The following EFCAB11 variants were observed in gnomAD, a reference collection of about 807,000 sequenced individuals.
The protein encoded by EFCAB11 is EF-hand calcium-binding domain-containing protein 11.
A neutral mutation model predicts 23.0 loss-of-function variants in EFCAB11; 14 were observed. The observed-to-expected ratio is 0.61, with a 90% CI of 0.40 to 0.95. The LOEUF (loss-of-function observed/expected upper bound fraction) is 0.95, where lower values mean the gene tolerates loss of function less well. Among genes scored for constraint, EFCAB11 ranks in the 40% least tolerant of loss-of-function variants. EFCAB11 has a pLI of 0.00. For missense variants in EFCAB11, 198 were observed against 195.8 expected, an observed-to-expected ratio of 1.01 and a Z score of -0.07; for synonymous variants, 65 against 66.6, an observed-to-expected ratio of 0.98 and a Z score of 0.11.
In EFCAB11 at chr14:89,944,258, G is replaced by A. The variant is rs1890890262; in HGVS notation, c.217+5839C>T. On this transcript the variant is annotated intron_variant, in intron 3 of 5. Coordinates refer to ENST00000316738, the MANE Select transcript of EFCAB11 (RefSeq NM_145231.4). ...AATGACAGCAGACAAGAGAGAGCTT[G>A]TGCTGGGGAACTTCTCTTTTTAAAA... 2.6e-5 allele frequency among the ~76,000 whole-genome samples: 4 copies of A among 152,198 alleles called. No individual in the cohort carries two copies. The South Asian group carries it at 8.3e-4, about 32-fold the overall frequency.
intron 5 of EFCAB11, among the ~76,000 whole-genome samples, chr14:89,885,494 T>C (rs1344952351): frequency 6.6e-6 from 1 of 151,862 alleles, no homozygotes; most frequent in Admixed American, 6.6e-5. Context: ...CTGGCTAACA[T>C]GGTGAAACCC....
intron 5 of EFCAB11, among the ~76,000 whole-genome samples, chr14:89,805,649 G>A (rs1381016937): frequency 7.2e-5 from 11 of 152,128 alleles, no homozygotes; most frequent in Admixed American, 7.2e-4. Flanking sequence ...GAAAGAGTCA[G>A]AGAACAGCAC....
chr14:89,930,672 C>A (rs894237647), intron 5 of EFCAB11, among the ~76,000 whole-genome samples: 2 of 152,206 alleles, frequency 1.3e-5, no homozygotes, highest in African/African-American at 2.4e-5. Context: ...GTTGATACAG[C>A]CAGAGCAACA....
rs1052618817 is a variant in EFCAB11 at position 89,888,266 on chromosome 14, A to C, written c.410+43275T>G. Among the ~76,000 whole-genome samples the C allele has an allele frequency of 3.9e-5, 6 of 152,214 alleles. No homozygotes were observed. In the South Asian group the frequency reaches 1.2e-3, roughly 32 times the overall value. ...TTGGTGCCCTTATAAGGGGCTGAAG[A>C]GACTAGAGTTCTCTCCTTTCACCAT... On this transcript the variant is annotated intron_variant, in intron 5 of 5. Transcript: ENST00000316738.
intron 3 of EFCAB11, among the ~76,000 whole-genome samples, chr14:89,939,512 C>A (rs1298290024): frequency 2.6e-5 from 4 of 152,184 alleles, no homozygotes; most frequent in African/African-American, 9.6e-5. Flanking sequence ...GGAGGCGGGG[C>A]ACACAGCTGG....
At chr14:89,899,400 C>T (rs1274459160) in intron 5 of EFCAB11, among the ~76,000 whole-genome samples, 1 of 152,198 alleles carries the variant, frequency 6.6e-6, no homozygotes, top group Non-Finnish European at 1.5e-5. Context: ...TCAAGTAACA[C>T]TACACACATG....
intron 2 of EFCAB11, among the ~76,000 whole-genome samples, chr14:89,953,584 T>C (rs1404314329): frequency 6.6e-6 from 1 of 152,216 alleles, no homozygotes; most frequent in Non-Finnish European, 1.5e-5. Flanking sequence ...AAAGAGACTA[T>C]GTCATGTCCT....
At chr14:89,882,692 G>C (rs1442384633) in intron 5 of EFCAB11, among the ~76,000 whole-genome samples, 1 of 152,180 alleles carries the variant, frequency 6.6e-6, no homozygotes, top group Non-Finnish European at 1.5e-5. Context: ...AAGGCCTGGT[G>C]AATGTTCTAC....
intron 3 of EFCAB11, among the ~76,000 whole-genome samples, chr14:89,944,137 A>T (rs1339950534): frequency 6.6e-6 from 1 of 152,250 alleles, no homozygotes; most frequent in Non-Finnish European, 1.5e-5. Flanking sequence ...GACGATTTAC[A>T]AAAGAAAGAG....
At chr14:89,818,045 G>A (rs1375191980) in intron 5 of EFCAB11, among the ~76,000 whole-genome samples, 1 of 151,932 alleles carries the variant, frequency 6.6e-6, no homozygotes, top group East Asian at 1.9e-4. Flanking sequence ...AGTTGGGGTA[G>A]GGAGTAAACC....
chr14:89,949,475 C>T (rs1234471884), intron 3 of EFCAB11, among the ~76,000 whole-genome samples: 1 of 152,276 alleles, frequency 6.6e-6, no homozygotes, highest in South Asian at 2.1e-4. Flanking sequence ...AGCAATTCTC[C>T]TGCATCAGTC....
chr14:89,934,472 G>A (rs1210095832), intron 3 of EFCAB11, among the ~76,000 whole-genome samples: 2 of 152,178 alleles, frequency 1.3e-5, no homozygotes, highest in Non-Finnish European at 2.9e-5. Context: ...AAATTGGGGC[G>A]AGATGAAGAG....
chr14:89,833,940 TTC>T (rs1439036641), intron 5 of EFCAB11, among the ~76,000 whole-genome samples: 1 of 152,190 alleles, frequency 6.6e-6, no homozygotes, highest in Non-Finnish European at 1.5e-5. Flanking sequence ...GCTACACCAC[TTC>T]TGTTGCTAAC....
chr14:89,948,293 CCA>C (rs1891046801), intron 3 of EFCAB11, among the ~76,000 whole-genome samples: 1 of 152,200 alleles, frequency 6.6e-6, no homozygotes. Flanking sequence ...TATCATCTCA[CCA>C]CAGTTAAAAT....
At chr14:89,944,905 T>G (rs1566823554) in intron 3 of EFCAB11, among the ~76,000 whole-genome samples, 1 of 142,278 alleles carries the variant, frequency 7.0e-6, no homozygotes, top group African/African-American at 2.6e-5. Context: ...ATAATAAATC[T>G]AATAAAATAT....
chr14:89,901,245 G>A (rs1296384880), intron 5 of EFCAB11, among the ~76,000 whole-genome samples: 3 of 151,962 alleles, frequency 2.0e-5, no homozygotes, highest in Non-Finnish European at 4.4e-5. Flanking sequence ...GTCTTGTATC[G>A]CCAGTGGAGA....
chr14:89,946,701 C>T (rs990355374), intron 3 of EFCAB11, among the ~76,000 whole-genome samples: 5 of 150,768 alleles, frequency 3.3e-5, no homozygotes, highest in African/African-American at 1.2e-4. Context: ...TCCCAGGTAG[C>T]TAAGATTACA....
intron 5 of EFCAB11, among the ~76,000 whole-genome samples, chr14:89,891,709 G>C (rs1297088476): frequency 6.6e-6 from 1 of 151,828 alleles, no homozygotes; most frequent in Non-Finnish European, 1.5e-5. Flanking sequence ...ACACGCACGC[G>C]CACACGCACA....
chr14:89,935,156 G>T (rs879490126), intron 3 of EFCAB11, among the ~76,000 whole-genome samples: 2 of 152,032 alleles, frequency 1.3e-5, no homozygotes, highest in African/African-American at 4.8e-5. Context: ...ACGGCCCTTT[G>T]TTCATCATGC....
Sources: allele counts gnomAD v4.1 joint callset (sites outside exome capture counted in the v4.1 genomes callset), GRCh38; gene constraint gnomAD v4.1.1; transcripts MANE v1.5; gene names NCBI Gene and HGNC (gene_info 2026-07-23, HGNC 2026-07-21).